Variants in PYROXD2 observed in about 807,000 individuals in gnomAD.
PYROXD2 encodes the protein pyridine nucleotide-disulfide oxidoreductase domain-containing protein 2.
A neutral mutation model predicts 71.1 loss-of-function variants in PYROXD2; 69 were observed. That is an observed-to-expected ratio of 0.97 (90% CI 0.80 to 1.19). PYROXD2 has a LOEUF of 1.19. Among genes scored for constraint, PYROXD2 ranks in the 50% most tolerant of loss-of-function variants. The probability of loss-of-function intolerance (pLI) is 0.00; values close to 1 mark genes in which losing one functional copy is unlikely to be tolerated. For synonymous variants in PYROXD2, 287 were observed against 302.7 expected, an observed-to-expected ratio of 0.95 and a Z score of 0.54; for missense variants, 745 against 748.9, an observed-to-expected ratio of 0.99 and a Z score of 0.06.
At chr10:98,399,278 T>C (rs1359858262) in intron 5 of PYROXD2, among the ~76,000 whole-genome samples, 1 of 152,222 alleles carries the variant, frequency 6.6e-6, no homozygotes, top group African/African-American at 2.4e-5. Flanking sequence ...TACCCAGCAA[T>C]AGATTAACAC....
chr10:98,392,217 C>T (rs1222366434), intron 10 of PYROXD2, among the ~76,000 whole-genome samples: 2 of 152,156 alleles, frequency 1.3e-5, no homozygotes, highest in Admixed American at 1.3e-4. Flanking sequence ...TGCCAATGGC[C>T]GGAATCTTGG....
At chr10:98,397,237 A>C in intron 6 of PYROXD2, 108 bp downstream of exon 6, 3 of 1,418,402 alleles carry the variant, frequency 2.1e-6, no homozygotes. Flanking sequence ...AACTGATCCC[A>C]GCTGGCAGGC....
Position 98,387,290 on chromosome 10 carries a change from C to A in PYROXD2, c.1465G>T (p.Val489Phe), listed in dbSNP as rs758695989. 1.9e-6 allele frequency: 3 copies of A among 1,613,894 alleles called. No individual in the cohort carries two copies. In the Admixed American group the frequency reaches 5.0e-5, roughly 27 times the overall value. ...YADRVFDCIE[V>F]YAPGFKDSVV... ...GAGTCCTTGAAGCCAGGGGCATAGACCTCGATGCAATCAAACACTGGGGTG... is the reference window on the plus strand; with the variant it reads ...GAGTCCTTGAAGCCAGGGGCATAGAACTCGATGCAATCAAACACTGGGGTG... Residue 489 changes from valine to phenylalanine, a missense_variant, in exon 14 of 16, where the codon GTC becomes TTC. By Grantham distance (50) the Val-to-Phe change is conservative. Transcript: ENST00000370575.
At chr10:98,386,442 T>A (rs1157109883) in intron 14 of PYROXD2, among the ~76,000 whole-genome samples, 2 of 152,222 alleles carry the variant, frequency 1.3e-5, no homozygotes, top group African/African-American at 4.8e-5. Context: ...TTTCAACATG[T>A]AATCAATATA....
chr10:98,400,925 T>G (rs1440995998), intron 4 of PYROXD2, among the ~76,000 whole-genome samples: 1 of 152,184 alleles, frequency 6.6e-6, no homozygotes, highest in Non-Finnish European at 1.5e-5. Context: ...CACTGAATAC[T>G]GGAGGCAACT....
rs1255767779 is a variant in PYROXD2, at chr10:98,415,020, A to C, written c.116T>G (p.Val39Gly). ...CTTTACCACTTTACCTGCTCCTATC[A>C]CCACCGCATCATACTCAGGCTTCAG... ...GGLKPEYDAVVIGAGHNGLVA... is the reference protein window; with the variant it reads ...GGLKPEYDAVGIGAGHNGLVA... Residue 39 changes from valine to glycine, a missense_variant, in exon 1 of 16, where the codon GTG becomes GGG. Physicochemically the swap from Val to Gly is moderately radical, Grantham distance 109 (BLOSUM62 -3). Coordinates refer to ENST00000370575, the MANE Select transcript of PYROXD2 (RefSeq NM_032709.3). The C allele has an allele frequency of 6.2e-7, 1 of 1,610,412 alleles. No homozygotes were observed. Among genetic ancestry groups the C allele is most frequent in the African/African-American group, 1.4e-5 (1 of 74,024 alleles).
intron 1 of PYROXD2, among the ~76,000 whole-genome samples, chr10:98,412,495 C>T (rs7910247): frequency 0.36 from 54,846 of 151,946 alleles, 11,029 homozygotes; most frequent in African/African-American, 0.53. Context: ...CTGGGAGACA[C>T]CTCCCGCCCT....
chr10:98,390,710 G>A lies in PYROXD2; in HGVS notation c.1180C>T (p.Pro394Ser), dbSNP rs753568355. The A allele has an allele frequency of 4.3e-6, 7 of 1,610,502 alleles. No individual in the cohort carries two copies. In the African/African-American group the frequency reaches 9.4e-5, roughly 22 times the overall value. Residue 394 changes from proline (P) to serine (S), a missense_variant, in exon 12 of 16, where the codon CCC becomes TCC. Physicochemically the swap from Pro to Ser is moderately conservative, Grantham distance 74. Coordinates refer to ENST00000370575, the MANE Select transcript of PYROXD2 (RefSeq NM_032709.3). ...TGATGGGGCAGCGGCTGGCCCCTGG[G>A]AGCATTGGGGGCCGCCAGGAAGCTG... ...LPSFLAAPNA[P>S]RGQPLPHHQC...
intron 10 of PYROXD2, among the ~76,000 whole-genome samples, chr10:98,391,961 C>G (rs1371063950): frequency 6.6e-6 from 1 of 152,112 alleles, no homozygotes; most frequent in Non-Finnish European, 1.5e-5. Context: ...CATGAGCAAG[C>G]CTTAAGCAGC....
chr10:98,410,707 T>A (rs1843754785), intron 2 of PYROXD2: 1 of 593,690 alleles, frequency 1.7e-6, no homozygotes, highest in Non-Finnish European at 2.9e-6. Context: ...GGAAACCACC[T>A]TTCCCCATTA....
intron 8 of PYROXD2, among the ~76,000 whole-genome samples, chr10:98,394,654 C>T (rs1460519482): frequency 1.3e-5 from 2 of 151,800 alleles, no homozygotes; most frequent in African/African-American, 2.4e-5. Context: ...CTGACTGCCA[C>T]CTCTCGGATT....
intron 4 of PYROXD2, among the ~76,000 whole-genome samples, chr10:98,405,753 G>A (rs1037581567): frequency 7.2e-5 from 11 of 152,332 alleles, no homozygotes; most frequent in South Asian, 2.1e-4. Flanking sequence ...AGCCAGAGAC[G>A]TGTGAGTCTG....
At chr10:98,393,834 C>T (rs184319221) in intron 8 of PYROXD2, among the ~76,000 whole-genome samples, 271 of 152,252 alleles carry the variant, frequency 1.8e-3, no homozygotes, top group African/African-American at 6.4e-3. Flanking sequence ...CAGCCTCATC[C>T]CTCATCCTGT....
Position 98,393,001 on chromosome 10 carries a change from G to T in PYROXD2, c.868C>A (p.Leu290Ile), listed in dbSNP as rs1339186832. 1 of 1,613,506 alleles carries T rather than the reference G, an allele frequency of 6.2e-7. No homozygotes were observed. Among genetic ancestry groups the T allele is most frequent in the Admixed American group, 1.7e-5 (1 of 59,966 alleles). The change falls in exon 9 of 16, where the codon CTC becomes ATC. Residue 290 changes from leucine (L) to isoleucine (I), a missense_variant. Coordinates refer to ENST00000370575, the MANE Select transcript of PYROXD2 (RefSeq NM_032709.3). Reference sequence around the variant, plus strand: ...GCTGAGCTTGCGATCGCATCAGAGAGGGCACCCATGCCCCCCTGGACGTAG... The same window carrying T: ...GCTGAGCTTGCGATCGCATCAGAGATGGCACCCATGCCCCCCTGGACGTAG... Reference protein sequence around the residue: ...WGYVQGGMGALSDAIASSATT... With the variant: ...WGYVQGGMGAISDAIASSATT...
chr10:98,414,805 A>G, intron 1 of PYROXD2: 1 of 673,410 alleles, frequency 1.5e-6, no homozygotes, highest in Non-Finnish European at 2.3e-6. Context: ...GCCACACAGC[A>G]GAGCCAGCAC....
intron 6 of PYROXD2, among the ~76,000 whole-genome samples, chr10:98,397,098 T>G (rs1046939396): frequency 1.1e-4 from 17 of 152,200 alleles, no homozygotes; most frequent in African/African-American, 3.4e-4. Context: ...TTTTTGTGTC[T>G]TGGGGTCACC....
At chr10:98,414,230 C>G (rs960231757) in intron 1 of PYROXD2, 1 of 152,040 alleles carries the variant, frequency 6.6e-6, no homozygotes, top group South Asian at 2.1e-4. Context: ...TGTTGAGTGC[C>G]GTCTGCTTTC....
intron 1 of PYROXD2, 106 bp from the exon 2 acceptor site, chr10:98,411,064 G>A: frequency 6.7e-7 from 1 of 1,499,768 alleles, no homozygotes; most frequent in Non-Finnish European, 9.0e-7. Flanking sequence ...ATGCCATGAA[G>A]ATCCTTGGTG....
At chr10:98,413,719 A>G (rs1045024114) in intron 1 of PYROXD2, among the ~76,000 whole-genome samples, 3 of 152,202 alleles carry the variant, frequency 2.0e-5, no homozygotes, top group East Asian at 1.9e-4. Context: ...ATCTCAATAA[A>G]TGAATAAATA....
Sources: allele counts gnomAD v4.1 joint callset (sites outside exome capture counted in the v4.1 genomes callset), GRCh38; gene constraint gnomAD v4.1.1; transcripts MANE v1.5; gene names NCBI Gene and HGNC (gene_info 2026-07-23, HGNC 2026-07-21).